Variants in RALYL observed in about 807,000 individuals in gnomAD.
RALYL encodes the protein RNA-binding Raly-like protein.
A neutral mutation model predicts 35.1 loss-of-function variants in RALYL; 29 were observed. The observed-to-expected ratio is 0.83, with a 90% CI of 0.61 to 1.13. RALYL has a LOEUF of 1.13. Ranked by LOEUF, RALYL falls within the 50% of genes most tolerant of loss-of-function variation. RALYL has a pLI of 0.00. For missense variants in RALYL, 359 were observed against 360.4 expected (o/e 1.00, Z 0.03); for synonymous variants, 120 against 127.6 (o/e 0.94, Z 0.40).
rs1306292037 is a variant in RALYL, at chr8:84,907,310, TC to T, written c.859-13583del. Among the ~76,000 whole-genome samples, 154 of 148,150 alleles carry T rather than the reference TC, an allele frequency of 1.0e-3. 2 individuals are homozygous for T. The highest frequency in any genetic ancestry group is 4.8e-3 in the East Asian group (24 of 4,978). On this transcript the variant is annotated intron_variant, in intron 8 of 8. Transcript: ENST00000521268. ...AAATCTGAGAAAATAAGATATAGCG[TC>T]ACACACACACACACACACACACACA...
rs750565171 is a variant in RALYL at position 84,448,945 on chromosome 8, A to G, written c.-23-80354A>G. Among the ~76,000 whole-genome samples, 5 of 152,150 alleles carry G rather than the reference A, an allele frequency of 3.3e-5. No individual in the cohort carries two copies. In the South Asian group the frequency reaches 6.2e-4, roughly 19 times the overall value. On this transcript the variant is annotated intron_variant, in intron 1 of 8. Coordinates refer to ENST00000521268, the MANE Select transcript of RALYL (RefSeq NM_173848.7). Reference sequence around the variant, plus strand: ...AACCGTCAGAATCTGCAGCCTGATTATAGGTAACTTTTATCCTCAGGTGTC... The same window carrying G: ...AACCGTCAGAATCTGCAGCCTGATTGTAGGTAACTTTTATCCTCAGGTGTC...
At chr8:84,261,586 G>A (rs948264977) in intron 1 of RALYL, among the ~76,000 whole-genome samples, 11 of 152,174 alleles carry the variant, frequency 7.2e-5, no homozygotes, top group South Asian at 4.1e-4. Context: ...GTCTCAGGCC[G>A]TTCTTTATAG....
intron 1 of RALYL, among the ~76,000 whole-genome samples, chr8:84,477,801 T>G (rs2053597840): frequency 1.3e-5 from 2 of 151,826 alleles, no homozygotes; most frequent in Non-Finnish European, 2.9e-5. Flanking sequence ...TCTCATAAAA[T>G]GAGTGGAAGT....
At chr8:84,800,306 A>ACTT (rs1423287399) in intron 3 of RALYL, among the ~76,000 whole-genome samples, 1 of 152,226 alleles carries the variant, frequency 6.6e-6, no homozygotes, top group Non-Finnish European at 1.5e-5. Context: ...TGGACAAGGT[A>ACTT]CTTCATATCT....
intron 3 of RALYL, among the ~76,000 whole-genome samples, chr8:84,781,786 C>G (rs1478870171): frequency 2.0e-5 from 3 of 152,164 alleles, no homozygotes; most frequent in Non-Finnish European, 2.9e-5. Context: ...CAAAGTATTA[C>G]ATGAGCACAA....
At chr8:84,571,181 A>AT (rs1265662668) in intron 2 of RALYL, among the ~76,000 whole-genome samples, 1 of 151,606 alleles carries the variant, frequency 6.6e-6, no homozygotes, top group East Asian at 1.9e-4. Flanking sequence ...CCCCCTTGAT[A>AT]TTTTGAAATA....
intron 1 of RALYL, among the ~76,000 whole-genome samples, chr8:84,330,021 A>G (rs1291685336): frequency 2.2e-5 from 3 of 138,386 alleles, no homozygotes; most frequent in African/African-American, 7.6e-5. Flanking sequence ...GAATATGTAA[A>G]GAATTCATAA....
rs571167779 is a variant in RALYL, at chr8:84,298,376, C to T, written c.-24+113952C>T. ...TGACCTTATTTCTGCACTTTCTATT[C>T]GGTTCCATTGTCTATTGTGTTTGTA... On this transcript the variant is annotated intron_variant, in intron 1 of 8. Coordinates refer to ENST00000521268, the MANE Select transcript of RALYL (RefSeq NM_173848.7). Among the ~76,000 whole-genome samples the T allele has an allele frequency of 1.2e-4, 19 of 152,038 alleles. No individual in the cohort carries two copies. In the South Asian group the frequency reaches 2.5e-3, roughly 20 times the overall value.
intron 3 of RALYL, among the ~76,000 whole-genome samples, chr8:84,802,268 C>T (rs1347724372): frequency 6.6e-6 from 1 of 152,118 alleles, no homozygotes; most frequent in East Asian, 1.9e-4. Context: ...TTGATATTTT[C>T]CAGCTACTTT....
At chr8:84,484,035 T>G (rs1435145443) in intron 1 of RALYL, among the ~76,000 whole-genome samples, 1 of 152,168 alleles carries the variant, frequency 6.6e-6, no homozygotes, top group Admixed American at 6.6e-5. Context: ...GCAGCTTTTC[T>G]TTTTTGAAAC....
intron 1 of RALYL, among the ~76,000 whole-genome samples, chr8:84,482,276 A>G (rs964589736): frequency 6.6e-6 from 1 of 152,106 alleles, no homozygotes; most frequent in African/African-American, 2.4e-5. Flanking sequence ...AGCATTAGTG[A>G]AAAAGTATCC....
intron 2 of RALYL, among the ~76,000 whole-genome samples, chr8:84,650,721 G>C (rs1237341920): frequency 6.6e-6 from 1 of 151,452 alleles, no homozygotes; most frequent in Non-Finnish European, 1.5e-5. Context: ...CCCATTACTG[G>C]GTATATACCC....
At chr8:84,462,601 A>ATTTTTTTTT in intron 1 of RALYL, among the ~76,000 whole-genome samples, 1 of 136,836 alleles carries the variant, frequency 7.3e-6, no homozygotes, top group Non-Finnish European at 1.6e-5. Context: ...ATCTAGATTC[A>ATTTTTTTTT]TTTTTTTTTT....
chr8:84,394,219 A>G (rs1861306475), intron 1 of RALYL, among the ~76,000 whole-genome samples: 1 of 152,134 alleles, frequency 6.6e-6, no homozygotes, highest in Admixed American at 6.6e-5. Flanking sequence ...CATCACATAC[A>G]ACTAAATAAA....
At chr8:84,230,891 A>G (rs1483599411) in intron 1 of RALYL, among the ~76,000 whole-genome samples, 1 of 152,242 alleles carries the variant, frequency 6.6e-6, no homozygotes, top group Admixed American at 6.5e-5. Flanking sequence ...ACTTAGGCCT[A>G]GGCCTCTCTG....
At position 84,727,669 on chromosome 8, in the gene RALYL, G is replaced by A. The variant is rs865973974; in HGVS notation, c.257-46910G>A. On this transcript the variant is annotated intron_variant, in intron 2 of 8. Coordinates refer to ENST00000521268, the MANE Select transcript of RALYL (RefSeq NM_173848.7). ...CCCAGAGTGTGATGTTCCCCTTCCT[G>A]TGTCCATGTGTTCTCATTGTTCAGT... Among the ~76,000 whole-genome samples, 35 of 130,670 alleles carry A rather than the reference G, an allele frequency of 2.7e-4. No individual in the cohort carries two copies. In the South Asian group the frequency reaches 4.6e-3, roughly 17 times the overall value. 85.7% of individuals were successfully genotyped at this position (130,670 alleles called of 152,430 possible).
intron 4 of RALYL, among the ~76,000 whole-genome samples, chr8:84,812,106 G>T (rs1223049096): frequency 6.6e-6 from 1 of 152,108 alleles, no homozygotes; most frequent in East Asian, 1.9e-4. Flanking sequence ...TGGTTTTCTG[G>T]TTCCCTTTCA....
intron 2 of RALYL, among the ~76,000 whole-genome samples, chr8:84,535,475 G>T (rs1376621924): frequency 6.9e-6 from 1 of 145,016 alleles, no homozygotes; most frequent in Non-Finnish European, 1.5e-5. Context: ...TCGCTCTGTC[G>T]CCCAGGCTGG....
chr8:84,639,993 G>T (rs568626763), intron 2 of RALYL, among the ~76,000 whole-genome samples: 2 of 151,932 alleles, frequency 1.3e-5, no homozygotes, highest in Non-Finnish European at 2.9e-5. Flanking sequence ...AGCTGTTTAG[G>T]CATCTGTGTG....
Sources: gnomAD v4.1 joint callset for allele counts (sites outside exome capture counted in the v4.1 genomes callset) on GRCh38, gnomAD v4.1.1 for gene constraint, MANE v1.5 for transcripts, NCBI Gene and HGNC (gene_info 2026-07-23, HGNC 2026-07-21) for gene names.